The following ZNF333 variants were observed in gnomAD, a reference collection of about 807,000 sequenced individuals.
ZNF333 encodes zinc finger protein 333.
A neutral mutation model predicts 76.1 loss-of-function variants in ZNF333; 61 were observed. The ratio of observed to expected loss-of-function variants is 0.80; its 90% confidence interval spans 0.65 to 0.99. The LOEUF (loss-of-function observed/expected upper bound fraction) is 0.99, where lower values mean the gene tolerates loss of function less well. ZNF333 is among the 50% of genes least tolerant of loss of function. The pLI, the probability that ZNF333 is intolerant of heterozygous loss-of-function variation, is 0.00. For synonymous variants in ZNF333, 284 were observed against 305.0 expected, an observed-to-expected ratio of 0.93 and a Z score of 0.72; for missense variants, 717 against 822.4, an observed-to-expected ratio of 0.87 and a Z score of 1.57.
In ZNF333 at chr19:14,719,943, T is replaced by C; in HGVS notation, c.*618T>C. 3 of 983,360 alleles carry C rather than the reference T, an allele frequency of 3.1e-6. No homozygotes were observed. Among genetic ancestry groups the C allele is most frequent in the Non-Finnish European group, 3.6e-6 (3 of 828,090 alleles). 60.9% of individuals were successfully genotyped at this position (983,360 alleles called of 1,614,324 possible). ...GCTCATGCCTCTAATCCCAGCACTT[T>C]GGGAGGCTGAGGCTGGGGGATCACC... On this transcript the variant is annotated 3_prime_UTR_variant, in exon 12 of 12. Coordinates refer to ENST00000292530, the MANE Select transcript of ZNF333 (RefSeq NM_032433.4).
chr19:14,722,756 T>C (rs1194378314), downstream of ZNF333, among the ~76,000 whole-genome samples: 1 of 152,180 alleles, frequency 6.6e-6, no homozygotes, highest in Non-Finnish European at 1.5e-5. Context: ...GTCTTTGATG[T>C]ATTATGAGTT....
intron 7 of ZNF333, 36 bp downstream of exon 7, chr19:14,706,809 G>A (rs2042124578): frequency 6.3e-7 from 1 of 1,575,364 alleles, no homozygotes; most frequent in Non-Finnish European, 8.7e-7. Flanking sequence ...TGGCCAGAGG[G>A]CCCTGCTGTC....
In ZNF333 at chr19:14,690,106, G is replaced by GCGGCGCGGCGCGGCA. The variant is rs1427558329; in HGVS notation, c.-83_-82insCGCGGCGCGGCACGG. The GCGGCGCGGCGCGGCA allele has an allele frequency of 2.3e-4, 34 of 148,858 alleles. No homozygotes were observed. Among genetic ancestry groups the GCGGCGCGGCGCGGCA allele is most frequent in the South Asian group, 2.0e-3 (9 of 4,516 alleles). The allele number at this position is 148,858 out of a possible 1,614,324, so 9.2% of individuals were successfully genotyped here. On this transcript the variant is annotated 5_prime_UTR_variant, in exon 1 of 12. Coordinates refer to ENST00000292530, the MANE Select transcript of ZNF333 (RefSeq NM_032433.4). Reference sequence around the variant, plus strand: ...GCTGAGCTGTGCTGCGCGGCGCGGCGCGGTGCGGCACGGCACGGTGGGAGT... The same window carrying GCGGCGCGGCGCGGCA: ...GCTGAGCTGTGCTGCGCGGCGCGGCGCGGCGCGGCGCGGCACGGTGCGGCACGGCACGGTGGGAGT...
chr19:14,701,566 G>A (rs960997371), intron 5 of ZNF333: 2 of 985,436 alleles, frequency 2.0e-6, no homozygotes, highest in African/African-American at 1.7e-5. Context: ...CCACCTCCAT[G>A]TCTCTCTTGC....
rs760914229 is a variant in ZNF333, at chr19:14,719,194, T to C, written c.1867T>C (p.Cys623Arg). 6.2e-7 allele frequency: 1 copy of C among 1,614,182 alleles called. No individual in the cohort carries two copies. Among genetic ancestry groups the C allele is most frequent in the Admixed American group, 1.7e-5 (1 of 60,024 alleles). The change falls in exon 12 of 12, where the codon TGT becomes CGT. Residue 623 changes from cysteine (C) to arginine (R), a missense_variant. Transcript: ENST00000292530. ...CGGGAGACCCTATCAATGTAATCAG[T>C]GTGAGAAAGCCTTCAGGCACAGCTC... ...SAGRPYQCNQCEKAFRHSSSL... is the reference protein window; with the variant it reads ...SAGRPYQCNQREKAFRHSSSL...
At chr19:14,728,173 A>G (rs1040644762) in intron 11 of ZNF333, among the ~76,000 whole-genome samples, 2 of 152,244 alleles carry the variant, frequency 1.3e-5, no homozygotes, top group Non-Finnish European at 2.9e-5. Context: ...AGATTGTGCC[A>G]CTGCACTCCA....
intron 11 of ZNF333, among the ~76,000 whole-genome samples, chr19:14,728,140 G>A (rs534111145): frequency 3.1e-4 from 47 of 152,214 alleles, no homozygotes; most frequent in Non-Finnish European, 6.6e-4. Context: ...GTGAGCCTGG[G>A]AAGCGGAGCT....
chr19:14,691,676 CTTTTT>C (rs71166784), intron 1 of ZNF333, among the ~76,000 whole-genome samples: 1 of 121,978 alleles, frequency 8.2e-6, no homozygotes, highest in Non-Finnish European at 1.7e-5. Context: ...GTCATATTGT[CTTTTT>C]TTTTTTTTTT....
At position 14,720,487 on chromosome 19, in the gene ZNF333, T is replaced by C; in HGVS notation, c.*1162T>C. On this transcript the variant is annotated 3_prime_UTR_variant, in exon 12 of 12. Transcript: ENST00000292530. ...TCTTGCTTCTGTAATCTAAAAAATA[T>C]TTAGGATAGATTTAATAGAATTGGC... The C allele has an allele frequency of 4.1e-6, 4 of 985,372 alleles. No homozygotes were observed. The highest frequency in any genetic ancestry group is 4.8e-6 in the Non-Finnish European group (4 of 829,916). 61.0% of individuals were successfully genotyped at this position (985,372 alleles called of 1,614,324 possible). A position where few individuals can be genotyped will look rare whatever the true frequency, so the allele number is the denominator to read the frequency against.
rs1395995877 is a variant in ZNF333, at chr19:14,718,235, C to T, written c.908C>T (p.Pro303Leu). ...ILSIDVKGEQ[P>L]QPGEKLYKYN... ...ATTTTCCTTCATCGACAGGAGCAAC[C>T]TCAGCCTGGAGAAAAACTCTATAAA... Residue 303 changes from proline (P) to leucine (L), a missense_variant, in exon 12 of 12, where the codon CCT becomes CTT. Pro to Leu is a moderately conservative substitution (Grantham distance 98). Transcript: ENST00000292530. 1 of 1,607,656 alleles carries T rather than the reference C, an allele frequency of 6.2e-7. No homozygotes were observed. The highest frequency in any genetic ancestry group is 1.7e-5 in the Admixed American group (1 of 59,226).
At chr19:14,723,394 G>C (rs1325600059), downstream of ZNF333, among the ~76,000 whole-genome samples, 1 of 152,134 alleles carries the variant, frequency 6.6e-6, no homozygotes, top group Non-Finnish European at 1.5e-5. Context: ...AGATGGTTTT[G>C]ACTTCTTGGT....
At chr19:14,715,703 G>C (rs780798538) in intron 8 of ZNF333, among the ~76,000 whole-genome samples, 5 of 152,184 alleles carry the variant, frequency 3.3e-5, no homozygotes, top group Non-Finnish European at 7.4e-5. Context: ...GATGTCAGCT[G>C]TCCTCATTTT....
chr19:14,692,147 G>A (rs3861313), intron 1 of ZNF333, among the ~76,000 whole-genome samples: 106,832 of 152,104 alleles, frequency 0.7, 38,783 homozygotes, highest in African/African-American at 0.87. Context: ...GCTTGCCCCT[G>A]TGGAGGCTTT....
In ZNF333 at chr19:14,720,679, G is replaced by A. The variant is rs928396969; in HGVS notation, c.*1354G>A. 8.1e-6 allele frequency: 8 copies of A among 985,320 alleles called. No homozygotes were observed. In the African/African-American group the frequency reaches 1.2e-4, roughly 15 times the overall value. The allele number at this position is 985,320 out of a possible 1,614,324, so 61.0% of individuals were successfully genotyped here. On this transcript the variant is annotated 3_prime_UTR_variant, in exon 12 of 12. Coordinates refer to ENST00000292530, the MANE Select transcript of ZNF333 (RefSeq NM_032433.4). ...TAACTGATGCACTTAGTATATGTCA[G>A]TTTTTATAAATGCTTCATGGATGGT...
chr19:14,704,124 T>C (rs2042043337), intron 5 of ZNF333, among the ~76,000 whole-genome samples: 1 of 152,086 alleles, frequency 6.6e-6, no homozygotes, highest in African/African-American at 2.4e-5. Context: ...CACCTTTCTA[T>C]AGTGAAATGT....
intron 1 of ZNF333, among the ~76,000 whole-genome samples, chr19:14,691,030 T>G (rs1202423766): frequency 6.6e-6 from 1 of 152,110 alleles, no homozygotes; most frequent in East Asian, 1.9e-4. Context: ...GAGGCGGAGG[T>G]TGCAGTGAGC....
intron 11 of ZNF333, among the ~76,000 whole-genome samples, chr19:14,729,215 AG>A (rs1426476944): frequency 6.6e-6 from 1 of 152,176 alleles, no homozygotes; most frequent in Non-Finnish European, 1.5e-5. Flanking sequence ...TCCTACAGTC[AG>A]GGTTTCTCAA....
chr19:14,718,189 A>G, intron 11 of ZNF333, 39 bp from the exon 12 acceptor site: 1 of 1,563,970 alleles, frequency 6.4e-7, no homozygotes, highest in Non-Finnish European at 8.6e-7. Context: ...CTGTGAATCT[A>G]ATAAGGCCTT....
chr19:14,710,123 G>A (rs923580239), intron 7 of ZNF333, among the ~76,000 whole-genome samples: 5 of 152,216 alleles, frequency 3.3e-5, no homozygotes, highest in African/African-American at 1.2e-4. Flanking sequence ...GCTGACTGAA[G>A]AAGAAGCAGC....
Sources: gnomAD v4.1 joint callset for allele counts (sites outside exome capture counted in the v4.1 genomes callset) on GRCh38, gnomAD v4.1.1 for gene constraint, MANE v1.5 for transcripts, NCBI Gene and HGNC (gene_info 2026-07-23, HGNC 2026-07-21) for gene names.